Variants in RIMS4 observed in about 807,000 individuals in gnomAD.
The protein encoded by RIMS4 is regulating synaptic membrane exocytosis protein 4.
In RIMS4, 9 loss-of-function variants were observed where a neutral mutation model predicts 29.0. The ratio of observed to expected loss-of-function variants is 0.31; its 90% CI spans 0.19 to 0.54. RIMS4 has a LOEUF of 0.54. Among genes scored for constraint, RIMS4 ranks in the 20% least tolerant of loss-of-function variants. The pLI, the probability that RIMS4 is intolerant of heterozygous loss-of-function variation, is 0.94. For synonymous variants in RIMS4, 130 were observed against 152.9 expected (o/e 0.85, Z 1.10); for missense variants, 193 against 365.7 (o/e 0.53, Z 3.85).
chr20:44,810,109 G>A (rs1242073234), intron 1 of RIMS4, 66 bp downstream of exon 1: 35 of 990,614 alleles, frequency 3.5e-5, no homozygotes, highest in East Asian at 1.3e-4. Flanking sequence ...CACGGGTCGG[G>A]GAGGGGGCTA....
At chr20:44,760,847 A>T (rs1209488399) in intron 2 of RIMS4, among the ~76,000 whole-genome samples, 1 of 152,230 alleles carries the variant, frequency 6.6e-6, no homozygotes, top group African/African-American at 2.4e-5. Flanking sequence ...AATTAATATC[A>T]TAAACATTAC....
At chr20:44,794,826 T>G (rs762861092) in intron 1 of RIMS4, among the ~76,000 whole-genome samples, 15 of 152,182 alleles carry the variant, frequency 9.9e-5, no homozygotes, top group African/African-American at 1.9e-4. Context: ...GATGGTCAGA[T>G]CTGTCTGGGG....
At chr20:44,791,042 C>T (rs1361666148) in intron 1 of RIMS4, among the ~76,000 whole-genome samples, 2 of 152,192 alleles carry the variant, frequency 1.3e-5, no homozygotes, top group African/African-American at 4.8e-5. Flanking sequence ...AGACCTGATC[C>T]TAGAAATCAG....
Position 44,757,617 on chromosome 20 carries a change from G to A in RIMS4, c.451+53C>T, listed in dbSNP as rs1282517431. On this transcript the variant is annotated intron_variant, in intron 4 of 5. Coordinates refer to ENST00000372851, the MANE Select transcript of RIMS4 (RefSeq NM_182970.4). ...CTTCAAGGCCCTCAGTACCCATCAG[G>A]ATATCCTCCCTGACCTCCACCCCCA... 4.8e-6 allele frequency: 7 copies of A among 1,449,410 alleles called. No homozygotes were observed. The East Asian group carries it at 1.6e-4, about 33-fold the overall frequency. The allele number at this position is 1,449,410 out of a possible 1,614,324, so 89.8% of individuals were successfully genotyped here.
chr20:44,801,296 G>C (rs995879008), intron 1 of RIMS4, among the ~76,000 whole-genome samples: 6 of 152,096 alleles, frequency 3.9e-5, no homozygotes, highest in South Asian at 2.1e-4. Flanking sequence ...AGTTGTATGG[G>C]GCTGGGTGAG....
In RIMS4 at chr20:44,756,734, G is replaced by A. The variant is rs541660274; in HGVS notation, c.591+164C>T. On this transcript the variant is annotated intron_variant, in intron 5 of 5. Coordinates refer to ENST00000372851, the MANE Select transcript of RIMS4 (RefSeq NM_182970.4). This position sits in a 1 kb window ranked among gnomAD's most constrained non-coding sequence, Gnocchi z 5.9. Reference sequence around the variant, plus strand: ...GAACTTGTTCAAAGTTGTGCAGTAAGTTGTGGAGCTCAGTTCAGCCACAGT... The same window carrying A: ...GAACTTGTTCAAAGTTGTGCAGTAAATTGTGGAGCTCAGTTCAGCCACAGT... 4.4e-4 allele frequency among the ~76,000 whole-genome samples: 67 copies of A among 152,184 alleles called. 2 individuals carry two copies. The East Asian group carries it at 0.012, about 27-fold the overall frequency.
chr20:44,756,142 G>T lies in RIMS4; in HGVS notation c.802C>A (p.Arg268=). ...CCCTCCCCATTCCAGCACTAAGATCGTTCTCCGCAGGGCCCCACGGTGCTC... is the reference window on the plus strand; with the variant it reads ...CCCTCCCCATTCCAGCACTAAGATCTTTCTCCGCAGGGCCCCACGGTGCTC... ...LESTVGPCGE[R]S The change falls in exon 6 of 6, where the codon CGA becomes AGA. Residue 268 remains arginine (R), a synonymous_variant. Transcript: ENST00000372851. This position sits in a 1 kb window ranked among gnomAD's most constrained non-coding sequence, Gnocchi z 5.9. 1 of 1,601,780 alleles carries T rather than the reference G, an allele frequency of 6.2e-7. No individual in the cohort carries two copies. Among genetic ancestry groups the T allele is most frequent in the Non-Finnish European group, 8.5e-7 (1 of 1,172,286 alleles).
intron 1 of RIMS4, 108 bp from the exon 2 acceptor site, chr20:44,771,521 G>A: frequency 8.0e-7 from 1 of 1,251,388 alleles, no homozygotes; most frequent in Non-Finnish European, 1.1e-6. Context: ...GGGCTGTCCA[G>A]CTTCAGCCTC....
In RIMS4 at chr20:44,776,139, C is replaced by T. The variant is rs370911466; in HGVS notation, c.98-4726G>A. Among the ~76,000 whole-genome samples the T allele has an allele frequency of 3.9e-5, 6 of 151,940 alleles. No homozygotes were observed. In the South Asian group the frequency reaches 1.2e-3, roughly 32 times the overall value. ...ACAAAGAAAAAATACAAAAATTAGC[C>T]GGGCATGGTGGTGGGCACCTGTAGT... is the stretch of plus-strand genomic sequence containing the variant. On this transcript the variant is annotated intron_variant, in intron 1 of 5. Transcript: ENST00000372851.
In RIMS4 at chr20:44,810,512, G is replaced by A. The variant is rs1423084802; in HGVS notation, c.-241C>T. Among the ~76,000 whole-genome samples the A allele has an allele frequency of 1.4e-5, 2 of 141,540 alleles. No individual in the cohort carries two copies. The highest frequency in any genetic ancestry group is 3.1e-5 in the Non-Finnish European group (2 of 64,138). 92.9% of individuals were successfully genotyped at this position (141,540 alleles called of 152,430 possible). ...GCTGCTGGCGGCGGCGGCGGCGGCG[G>A]CGGTGGCGGCGGCGGTGGCGGCGCA... On this transcript the variant is annotated 5_prime_UTR_variant, in exon 1 of 6. Coordinates refer to ENST00000372851, the MANE Select transcript of RIMS4 (RefSeq NM_182970.4).
intron 1 of RIMS4, among the ~76,000 whole-genome samples, chr20:44,803,680 G>T (rs1381281758): frequency 6.6e-6 from 1 of 152,176 alleles, no homozygotes; most frequent in African/African-American, 2.4e-5. Context: ...GAAAAAAGGG[G>T]AGGGGGGATG....
chr20:44,758,467 C>A (rs2066070535), intron 2 of RIMS4, among the ~76,000 whole-genome samples: 1 of 152,156 alleles, frequency 6.6e-6, no homozygotes, highest in African/African-American at 2.4e-5. Flanking sequence ...TAATGCGAGC[C>A]CCAGATGATG....
intron 2 of RIMS4, among the ~76,000 whole-genome samples, chr20:44,760,798 G>GC (rs1186447960): frequency 1.3e-5 from 2 of 152,148 alleles, no homozygotes; most frequent in African/African-American, 4.8e-5. Context: ...AGTGATTTCT[G>GC]CCCTTCAGGT....
At chr20:44,796,305 A>G (rs1347529154) in intron 1 of RIMS4, among the ~76,000 whole-genome samples, 1 of 151,678 alleles carries the variant, frequency 6.6e-6, no homozygotes, top group Non-Finnish European at 1.5e-5. Context: ...AACCCCCCTC[A>G]CCCCAGGAAC....
intron 1 of RIMS4, among the ~76,000 whole-genome samples, chr20:44,788,700 T>G (rs2066219551): frequency 6.6e-6 from 1 of 152,074 alleles, no homozygotes; most frequent in Non-Finnish European, 1.5e-5. Flanking sequence ...AATTCAAGGC[T>G]GCAGTGAGCT....
At chr20:44,766,502 G>A (rs1027937074) in intron 2 of RIMS4, among the ~76,000 whole-genome samples, 11 of 152,168 alleles carry the variant, frequency 7.2e-5, no homozygotes, top group African/African-American at 2.7e-4. Context: ...AATAAGTGCT[G>A]GGTGGCAAAC....
At chr20:44,759,711 T>TA (rs2066076053) in intron 2 of RIMS4, among the ~76,000 whole-genome samples, 1 of 152,110 alleles carries the variant, frequency 6.6e-6, no homozygotes. Flanking sequence ...CTCTGGGAAA[T>TA]AAAAAAGAGA....
intron 1 of RIMS4, among the ~76,000 whole-genome samples, chr20:44,774,656 T>G (rs546690919): frequency 6.6e-6 from 1 of 152,148 alleles, no homozygotes; most frequent in Admixed American, 6.5e-5. Flanking sequence ...AACTCTCCTT[T>G]ATATATACAT....
chr20:44,764,224 ATCCG>A (rs1235433400), intron 2 of RIMS4, among the ~76,000 whole-genome samples: 64 of 151,218 alleles, frequency 4.2e-4, no homozygotes, highest in African/African-American at 1.5e-3. Context: ...CCATCCATCC[ATCCG>A]TCCATCCATT....
Sources: allele counts gnomAD v4.1 joint callset (sites outside exome capture counted in the v4.1 genomes callset), GRCh38; gene constraint gnomAD v4.1.1; non-coding constraint Gnocchi (gnomAD v3.1); transcripts MANE v1.5; gene names NCBI Gene and HGNC (gene_info 2026-07-23, HGNC 2026-07-21).